CLSPN: variants seen among roughly 807,000 people sequenced by gnomAD.
The protein encoded by CLSPN is claspin homolog.
Under a neutral mutation model 156.3 loss-of-function variants are expected in CLSPN, and 85 were observed. That is an observed-to-expected ratio of 0.54 (90% confidence interval 0.46 to 0.65). The LOEUF is 0.65. Ranked by LOEUF, CLSPN falls within the 30% of genes least tolerant of loss-of-function variation. The pLI, the probability that CLSPN is intolerant of heterozygous loss-of-function variation, is 0.00. For synonymous variants in CLSPN, 534 were observed against 542.4 expected, an observed-to-expected ratio of 0.98 and a Z score of 0.22; for missense variants, 1,407 against 1,554.9, an observed-to-expected ratio of 0.90 and a Z score of 1.60.
intron 16 of CLSPN, among the ~76,000 whole-genome samples, chr1:35,744,695 A>C (rs1028022762): frequency 1.3e-5 from 2 of 152,152 alleles, no homozygotes; most frequent in African/African-American, 4.8e-5. Context: ...TGTTTTGACT[A>C]CTTACTGTGA....
At chr1:35,723,703 A>C (rs1189772858) in intron 24 of CLSPN, among the ~76,000 whole-genome samples, 2 of 152,146 alleles carry the variant, frequency 1.3e-5, no homozygotes, top group African/African-American at 2.4e-5. Context: ...AGAAAGGGAA[A>C]CAGAAGTCAT....
chr1:35,763,169 T>C lies in CLSPN; in HGVS notation c.735A>G (p.Lys245=), dbSNP rs200729561. 363 of 1,572,340 alleles carry C rather than the reference T, an allele frequency of 2.3e-4. No homozygotes were observed. Among genetic ancestry groups the C allele is most frequent in the Non-Finnish European group, 3.0e-4 (348 of 1,164,074 alleles). The change falls in exon 4 of 25, where the codon AAA becomes AAG. Residue 245 remains lysine, a synonymous_variant. Coordinates refer to ENST00000318121, the MANE Select transcript of CLSPN (RefSeq NM_022111.4). ...ATCATGCTTTACTTGCCTTGTGCTT[T>C]TTTACTTTGTTTTTTACAGCTGCTC... The part of the protein sequence containing the change: ...SIRAAVKNKV[K]KHKKKEPSLE...
At chr1:35,737,874 C>T in intron 22 of CLSPN, 118 bp downstream of exon 22, 1 of 520,542 alleles carries the variant, frequency 1.9e-6, no homozygotes, top group Non-Finnish European at 3.3e-6. Context: ...CTCTTTAAGA[C>T]AGTATTAGAC....
downstream of CLSPN, among the ~76,000 whole-genome samples, chr1:35,731,225 A>AAAAG (rs1398800127): frequency 1.3e-5 from 2 of 151,704 alleles, no homozygotes; most frequent in Non-Finnish European, 1.5e-5. Context: ...AAAGAAAGAA[A>AAAAG]AAAGAAAGGG....
intron 8 of CLSPN, among the ~76,000 whole-genome samples, chr1:35,755,412 A>C (rs1298427881): frequency 6.6e-6 from 1 of 151,936 alleles, no homozygotes; most frequent in African/African-American, 2.4e-5. Context: ...GATTACAGGC[A>C]TGCGTCACCA....
At position 35,722,792 on chromosome 1, in the gene CLSPN, G is replaced by A. The variant is rs552439250; in HGVS notation, c.3910-1812C>T. Among the ~76,000 whole-genome samples the A allele has an allele frequency of 5.3e-5, 8 of 151,798 alleles. No homozygotes were observed. In the South Asian group the frequency reaches 6.2e-4, roughly 12 times the overall value. On this transcript the variant is annotated intron_variant, in intron 24 of 24. Transcript: ENST00000251195. ...GACTACAGGCGTGTGCCACTGCACC[G>A]GCTAATTTTTGTATTTCTAATAGAG...
intron 1 of CLSPN, among the ~76,000 whole-genome samples, chr1:35,767,923 C>T (rs1642728087): frequency 6.6e-6 from 1 of 152,128 alleles, no homozygotes; most frequent in South Asian, 2.1e-4. Context: ...TGTTAGGTGA[C>T]TTGATCAGTT....
At position 35,765,218 on chromosome 1, in the gene CLSPN, C is replaced by G; in HGVS notation, c.133G>C (p.Asp45His). 3 of 1,598,204 alleles carry G rather than the reference C, an allele frequency of 1.9e-6. No individual in the cohort carries two copies. The highest frequency in any genetic ancestry group is 1.7e-6 in the Non-Finnish European group (2 of 1,166,346). ...TAAAAATAAAAGTACTATTACAAAC[C>G]TCCTTCACTCAAGGGTCCAATTGTT... ...YETIGPLSEG[D>H]SDEEIFVSKK... Residue 45 changes from aspartate (D) to histidine (H), a missense_variant and splice_region_variant, in exon 2 of 25, where the codon GAT (aspartate) becomes CAT (histidine). By Grantham distance (81) the Asp-to-His change is moderately conservative. Coordinates refer to ENST00000318121, the MANE Select transcript of CLSPN (RefSeq NM_022111.4).
At chr1:35,752,399 G>A (rs953532742) in intron 9 of CLSPN, among the ~76,000 whole-genome samples, 2 of 152,146 alleles carry the variant, frequency 1.3e-5, no homozygotes, top group African/African-American at 2.4e-5. Context: ...CCAACATAGC[G>A]AAACTTCATC....
Position 35,732,709 on chromosome 1 carries a change from T to C in CLSPN, c.*3787A>G, listed in dbSNP as rs1286295853. On this transcript the variant is annotated 3_prime_UTR_variant, in exon 25 of 25. Coordinates refer to ENST00000318121, the MANE Select transcript of CLSPN (RefSeq NM_022111.4). ...TTTCCAAGCTAGTGAAGCTGAGTCC[T>C]CCTCAGAGCCATAGTGGCAGGTCCT... 1 of 985,326 alleles carries C rather than the reference T, an allele frequency of 1.0e-6. No homozygotes were observed. The highest frequency in any genetic ancestry group is 6.1e-5 in the Admixed American group (1 of 16,262). 61.0% of individuals were successfully genotyped at this position (985,326 alleles called of 1,614,324 possible).
intron 24 of CLSPN, among the ~76,000 whole-genome samples, chr1:35,722,063 C>G (rs958465293): frequency 2.0e-5 from 3 of 151,332 alleles, no homozygotes; most frequent in African/African-American, 7.3e-5. Context: ...CGCTTGAACC[C>G]AAGAGGCAGA....
At position 35,745,527 on chromosome 1, in the gene CLSPN, G is replaced by GT; in HGVS notation, c.2889dup (p.Gln964ThrfsTer9). Reference sequence around the variant, plus strand: ...TCACCCATGCTGCTCTCCTTCTCCTGTTTATTTAACTCTGATGAGGCTGGA... The same window carrying GT: ...TCACCCATGCTGCTCTCCTTCTCCTGTTTTATTTAACTCTGATGAGGCTGGA... On this transcript the variant is annotated frameshift_variant, in exon 16 of 25. Transcript: ENST00000318121. LOFTEE classifies it high-confidence loss of function. 1 of 1,613,886 alleles carries GT rather than the reference G, an allele frequency of 6.2e-7. No individual in the cohort carries two copies. Among genetic ancestry groups the GT allele is most frequent in the Non-Finnish European group, 8.5e-7 (1 of 1,179,838 alleles).
At chr1:35,743,893 A>G (rs1385121572) in intron 16 of CLSPN, among the ~76,000 whole-genome samples, 1 of 152,176 alleles carries the variant, frequency 6.6e-6, no homozygotes, top group African/African-American at 2.4e-5. Flanking sequence ...AAGTACTGGG[A>G]TTATAGGTAT....
At chr1:35,766,373 A>C (rs1642675163) in intron 1 of CLSPN, among the ~76,000 whole-genome samples, 1 of 152,040 alleles carries the variant, frequency 6.6e-6, no homozygotes, top group African/African-American at 2.4e-5. Flanking sequence ...ACATAAGTGA[A>C]TGTATATATG....
chr1:35,755,059 C>A (rs1172592943), intron 8 of CLSPN, among the ~76,000 whole-genome samples: 1 of 152,102 alleles, frequency 6.6e-6, no homozygotes, highest in East Asian at 1.9e-4. Flanking sequence ...GGAGTTGATG[C>A]ACACTGGATA....
Position 35,723,254 on chromosome 1 carries a change from A to C in CLSPN, c.3910-2274T>G, listed in dbSNP as rs72901299. 3.6e-3 allele frequency among the ~76,000 whole-genome samples: 548 copies of C among 152,314 alleles called. 6 individuals carry two copies. The highest frequency in any genetic ancestry group is 0.013 in the African/African-American group (530 of 41,580). On this transcript the variant is annotated intron_variant, in intron 24 of 24. Coordinates refer to the CLSPN transcript ENST00000251195. The stretch of plus-strand genomic sequence containing the variant: ...GGAACTTAAGTGGCAAGGACACAGA[A>C]ACCTCCAGAGATGGCCAGTATCAGC...
intron 14 of CLSPN, 59 bp from the exon 15 acceptor site, chr1:35,747,051 G>C: frequency 5.4e-6 from 7 of 1,307,196 alleles, no homozygotes; most frequent in Non-Finnish European, 7.7e-6. Flanking sequence ...GGCCGGGTGC[G>C]GTAGCTCACG....
At chr1:35,720,639 G>C (rs1355452990) in exon 25 of CLSPN, 1 of 223,038 alleles carries the variant, frequency 4.5e-6, no homozygotes, top group East Asian at 1.1e-4. Flanking sequence ...GTAGAGATGG[G>C]GTTTCACCAT....
rs199669871 is a variant in CLSPN at position 35,738,109 on chromosome 1, AAAAAATAT to A, written c.3559-20_3559-13del. The A allele has an allele frequency of 0.013, 8,379 of 630,798 alleles. 394 individuals carry two copies. In the African/African-American group the frequency reaches 0.16, roughly 12 times the overall value. The allele number at this position is 630,798 out of a possible 1,614,324, so 39.1% of individuals were successfully genotyped here. A position where few individuals can be genotyped will look rare whatever the true frequency, so the allele number is the denominator to read the frequency against. Reference sequence around the variant, plus strand: ...TTCCCCTGCTGTGCCTGAAAAAAAAAAAAAATATATATATATATATATATATATATACA... The same window carrying A: ...TTCCCCTGCTGTGCCTGAAAAAAAAAATATATATATATATATATATATACA... On this transcript the variant is annotated splice_polypyrimidine_tract_variant and intron_variant, in intron 21 of 24. Coordinates refer to ENST00000318121, the MANE Select transcript of CLSPN (RefSeq NM_022111.4).
Sources: gnomAD v4.1 joint callset for allele counts (sites outside exome capture counted in the v4.1 genomes callset) on GRCh38, gnomAD v4.1.1 for gene constraint, MANE v1.5 for transcripts, NCBI Gene and HGNC (gene_info 2026-07-23, HGNC 2026-07-21) for gene names.